CRACD: variants seen among roughly 807,000 people sequenced by gnomAD.
The protein encoded by CRACD is capping protein inhibiting regulator of actin dynamics.
CRACD carries 56 observed loss-of-function variants against 106.8 expected under a neutral mutation model. The ratio of observed to expected loss-of-function variants is 0.52; its 90% CI spans 0.42 to 0.66. The LOEUF (loss-of-function observed/expected upper bound fraction) is 0.66. Ranked by LOEUF, CRACD falls within the 30% of genes least tolerant of loss-of-function variation. The probability of loss-of-function intolerance (pLI) is 0.00; values close to 1 mark genes in which losing one functional copy is unlikely to be tolerated. For synonymous variants in CRACD, 754 were observed against 670.8 expected (o/e 1.12, Z -1.92); for missense variants, 1,730 against 1,623.2 (o/e 1.07, Z -1.13).
At chr4:56,173,056 A>G (rs1426189116) in intron 1 of CRACD, among the ~76,000 whole-genome samples, 1 of 152,206 alleles carries the variant, frequency 6.6e-6, no homozygotes, top group African/African-American at 2.4e-5. Flanking sequence ...GCACCCGGCC[A>G]ACACCCAGCC....
At chr4:56,126,385 C>CT (rs1734662079) in intron 1 of CRACD, among the ~76,000 whole-genome samples, 1 of 152,164 alleles carries the variant, frequency 6.6e-6, no homozygotes, top group Admixed American at 6.5e-5. Context: ...ATGCACGTAT[C>CT]AGGCCCTTCA....
At chr4:56,067,539 C>T (rs1242766162) in intron 1 of CRACD, among the ~76,000 whole-genome samples, 2 of 152,212 alleles carry the variant, frequency 1.3e-5, no homozygotes, top group Non-Finnish European at 2.9e-5. Flanking sequence ...AAAAACAGGT[C>T]TTGGTTCTGC....
intron 1 of CRACD, among the ~76,000 whole-genome samples, chr4:56,117,214 G>T (rs1169118748): frequency 6.6e-6 from 1 of 151,752 alleles, no homozygotes; most frequent in Non-Finnish European, 1.5e-5. Flanking sequence ...GTAGAGACGG[G>T]GTTTCACCGT....
chr4:56,061,971 C>T (rs1353466124), intron 1 of CRACD, among the ~76,000 whole-genome samples: 1 of 152,188 alleles, frequency 6.6e-6, no homozygotes, highest in African/African-American at 2.4e-5. Flanking sequence ...ATCTTTTTTG[C>T]ACTCCATCTT....
In CRACD at chr4:56,314,843, G is replaced by A. The variant is rs772451095; in HGVS notation, c.1341G>A (p.Glu447=). The change falls in exon 8 of 11, where the codon GAG becomes GAA. Residue 447 remains glutamate, a synonymous_variant. Transcript: ENST00000682029. The surrounding 1 kb of genome is among the most constrained non-coding windows in gnomAD (Gnocchi z 4.4). ...KPEGQREHSE[E]PGICEEQNPE... Reference sequence around the variant, plus strand: ...AAGGACAAAGAGAACACTCCGAGGAGCCAGGTATTTGCGAGGAGCAGAACC... The same window carrying A: ...AAGGACAAAGAGAACACTCCGAGGAACCAGGTATTTGCGAGGAGCAGAACC... 1 of 1,611,698 alleles carries A rather than the reference G, an allele frequency of 6.2e-7. No individual in the cohort carries two copies. The highest frequency in any genetic ancestry group is 8.5e-7 in the Non-Finnish European group (1 of 1,179,402).
rs187240707 is a variant in CRACD, at chr4:56,163,290, C to T, written c.-335-15994C>T. Among the ~76,000 whole-genome samples the T allele has an allele frequency of 7.0e-3, 1,050 of 150,608 alleles. 13 individuals carry two copies. Among genetic ancestry groups the T allele is most frequent in the African/African-American group, 0.025 (1,000 of 40,640 alleles). On this transcript the variant is annotated intron_variant, in intron 1 of 10. Transcript: ENST00000682029. ...ATTCAGCCTGGGCAACAGTGAGTCC[C>T]GTCTTCAAAAAAAAAAGCTAAAAAT...
intron 2 of CRACD, chr4:56,196,285 C>T (rs1400421489): frequency 6.5e-6 from 1 of 152,774 alleles, no homozygotes; most frequent in Non-Finnish European, 1.5e-5. Context: ...GGGACACTCC[C>T]CCTGCCAATT....
chr4:56,088,023 C>T (rs1733288475), intron 1 of CRACD, among the ~76,000 whole-genome samples: 1 of 152,066 alleles, frequency 6.6e-6, no homozygotes, highest in African/African-American at 2.4e-5. Flanking sequence ...TCATTTCACA[C>T]ACTTGAAAAT....
At chr4:56,287,308 A>G (rs1270569257) in intron 3 of CRACD, among the ~76,000 whole-genome samples, 1 of 145,730 alleles carries the variant, frequency 6.9e-6, no homozygotes, top group African/African-American at 2.8e-5. Flanking sequence ...TTTTTTTGAT[A>G]CAGAGTCTCT....
chr4:56,257,436 T>G (rs1741429563), intron 2 of CRACD, among the ~76,000 whole-genome samples: 1 of 151,156 alleles, frequency 6.6e-6, no homozygotes, highest in South Asian at 2.1e-4. Context: ...ACACCTGTAG[T>G]CAGTACTTTG....
intron 7 of CRACD, 89 bp from the exon 8 acceptor site, chr4:56,313,951 A>C (rs1205127874): frequency 2.7e-6 from 4 of 1,499,732 alleles, no homozygotes; most frequent in South Asian, 2.7e-5. Flanking sequence ...TTGAGAAATT[A>C]AGAGGGTCGC....
At chr4:56,137,757 G>A (rs1273661422) in intron 1 of CRACD, among the ~76,000 whole-genome samples, 1 of 152,238 alleles carries the variant, frequency 6.6e-6, no homozygotes, top group Non-Finnish European at 1.5e-5. Context: ...GAAGGCTGAG[G>A]CAGGAGGATC....
At chr4:56,211,209 T>C (rs750130358) in intron 2 of CRACD, among the ~76,000 whole-genome samples, 4 of 152,232 alleles carry the variant, frequency 2.6e-5, no homozygotes, top group Non-Finnish European at 2.9e-5. Context: ...ATAATACTTA[T>C]GTCAGAGGCA....
At chr4:56,301,294 T>C (rs1482553417) in intron 4 of CRACD, 34 of 1,237,016 alleles carry the variant, frequency 2.7e-5, no homozygotes, top group Non-Finnish European at 3.6e-5. Flanking sequence ...CATGAATGCT[T>C]TGCATTTTTC....
At chr4:56,104,056 G>C (rs1248897086) in intron 1 of CRACD, among the ~76,000 whole-genome samples, 1 of 152,180 alleles carries the variant, frequency 6.6e-6, no homozygotes, top group Non-Finnish European at 1.5e-5. Context: ...TTATAGGCTT[G>C]AGCCACTGTG....
intron 1 of CRACD, 44 bp downstream of exon 1, chr4:56,049,343 CA>C (rs1305340924): frequency 2.0e-5 from 3 of 151,862 alleles, no homozygotes; most frequent in East Asian, 1.9e-4. Flanking sequence ...ACAATGGGGA[CA>C]GGGGCGGGCT....
chr4:56,307,704 G>C lies in CRACD; in HGVS notation c.285+5G>C. On this transcript the variant is annotated splice_donor_5th_base_variant and intron_variant, in intron 5 of 10. Transcript: ENST00000682029. ...CTCTCAGACGCAGAGAACAAGGTAA[G>C]TCTCCTCCAGGGAATGACTTGATGG... is the stretch of plus-strand genomic sequence containing the variant. 6.2e-7 allele frequency: 1 copy of C among 1,613,998 alleles called. No individual in the cohort carries two copies. The highest frequency in any genetic ancestry group is 1.3e-5 in the African/African-American group (1 of 75,036).
chr4:56,154,022 T>C (rs1472195995), intron 1 of CRACD, among the ~76,000 whole-genome samples: 4 of 152,238 alleles, frequency 2.6e-5, no homozygotes, highest in Admixed American at 2.6e-4. Context: ...TCTATTAGAA[T>C]AGCAGCTTGG....
intron 2 of CRACD, among the ~76,000 whole-genome samples, chr4:56,216,504 A>G (rs1738688831): frequency 6.6e-6 from 1 of 152,184 alleles, no homozygotes; most frequent in African/African-American, 2.4e-5. Flanking sequence ...TTGGAATCAT[A>G]GTCCCAGTAA....
Sources: allele counts gnomAD v4.1 joint callset (sites outside exome capture counted in the v4.1 genomes callset), GRCh38; gene constraint gnomAD v4.1.1; non-coding constraint Gnocchi (gnomAD v3.1); transcripts MANE v1.5; gene names NCBI Gene and HGNC (gene_info 2026-07-23, HGNC 2026-07-21).